The following ACOT7 variants were observed in gnomAD, a reference collection of about 807,000 sequenced individuals.
ACOT7 encodes the protein cytosolic acyl coenzyme A thioester hydrolase.
A neutral mutation model predicts 40.2 loss-of-function variants in ACOT7; 12 were observed. The observed-to-expected ratio is 0.30, with a 90% CI of 0.19 to 0.48. The LOEUF (loss-of-function observed/expected upper bound fraction) is 0.48. Ranked by LOEUF, ACOT7 falls within the 20% of genes least tolerant of loss-of-function variation. ACOT7 has a pLI of 0.99. For missense variants in ACOT7, 395 were observed against 530.8 expected (o/e 0.74, Z 2.51); for synonymous variants, 228 against 219.5 (o/e 1.04, Z -0.34).
At chr1:6,356,987 C>T (rs1641764016) in intron 1 of ACOT7, among the ~76,000 whole-genome samples, 1 of 151,750 alleles carries the variant, frequency 6.6e-6, no homozygotes, top group Admixed American at 6.6e-5. Flanking sequence ...GCCTGTAATC[C>T]CAGCACTTTA....
chr1:6,378,265 G>A (rs1642273597), intron 1 of ACOT7, among the ~76,000 whole-genome samples: 1 of 145,252 alleles, frequency 6.9e-6, no homozygotes, highest in South Asian at 2.2e-4. Context: ...CAGTGTCTAT[G>A]ATCAGCATGC....
At position 6,312,165 on chromosome 1, in the gene ACOT7, T is replaced by C. The variant is rs139096100; in HGVS notation, c.712+6327A>G. ...TGGTGGCCGGGGAAGGAGCCTGAGA[T>C]AGAGGGAAAGGCTCCAAAGCTAACC... On this transcript the variant is annotated intron_variant, in intron 6 of 8. Transcript: ENST00000361521. Among the ~76,000 whole-genome samples, 170 of 151,920 alleles carry C rather than the reference T, an allele frequency of 1.1e-3. 1 individual carries two copies. The highest frequency in any genetic ancestry group is 3.8e-3 in the African/African-American group (159 of 41,414).
chr1:6,281,346 A>G, intron 7 of ACOT7, 60 bp from the exon 8 acceptor site: 9 of 1,515,982 alleles, frequency 5.9e-6, no homozygotes, highest in Non-Finnish European at 8.2e-6. Context: ...GGCGGGGGAC[A>G]CTGGCGTTTC....
intron 2 of ACOT7, among the ~76,000 whole-genome samples, chr1:6,342,956 T>C (rs867207354): frequency 1.6e-4 from 25 of 152,230 alleles, no homozygotes; most frequent in African/African-American, 5.8e-4. Flanking sequence ...GTTTGAGCCA[T>C]GGGGAATGTG....
At chr1:6,272,312 T>C (rs552807673) in intron 8 of ACOT7, among the ~76,000 whole-genome samples, 1 of 152,188 alleles carries the variant, frequency 6.6e-6, no homozygotes, top group Admixed American at 6.5e-5. Context: ...ATAGGGATGG[T>C]CTTTATGTTA....
intron 4 of ACOT7, among the ~76,000 whole-genome samples, chr1:6,327,937 C>T (rs1330144853): frequency 6.6e-6 from 1 of 152,100 alleles, no homozygotes; most frequent in African/African-American, 2.4e-5. Context: ...CCATGCCCGG[C>T]TAATTTTTGT....
At chr1:6,264,985 A>C (rs1269964122) in intron 8 of ACOT7, among the ~76,000 whole-genome samples, 3 of 152,210 alleles carry the variant, frequency 2.0e-5, no homozygotes, top group Non-Finnish European at 4.4e-5. Context: ...TAGAGGAGAC[A>C]CTAAGGGCAT....
chr1:6,291,494 TG>T (rs974539269), intron 7 of ACOT7, among the ~76,000 whole-genome samples: 15 of 152,188 alleles, frequency 9.9e-5, no homozygotes, highest in African/African-American at 3.6e-4. Flanking sequence ...CCTCTAGAAC[TG>T]GGGGCGAACA....
chr1:6,340,111 G>C (rs367932741), intron 2 of ACOT7, among the ~76,000 whole-genome samples: 26 of 151,840 alleles, frequency 1.7e-4, no homozygotes, highest in African/African-American at 6.3e-4. Flanking sequence ...GACTACAGGC[G>C]CCCGCCACCA....
intron 1 of ACOT7, among the ~76,000 whole-genome samples, chr1:6,364,708 C>T (rs946093680): frequency 2.0e-5 from 3 of 150,888 alleles, no homozygotes; most frequent in African/African-American, 4.9e-5. Context: ...ATTAGTTGGG[C>T]GTGGTTGCGC....
intron 1 of ACOT7, among the ~76,000 whole-genome samples, chr1:6,375,733 A>G (rs571470016): frequency 2.8e-4 from 41 of 146,708 alleles, no homozygotes; most frequent in African/African-American, 9.8e-4. Context: ...TCAGGAGATC[A>G]AGACCATCCT....
intron 5 of ACOT7, among the ~76,000 whole-genome samples, chr1:6,320,236 A>C (rs1465012564): frequency 6.6e-6 from 1 of 152,226 alleles, no homozygotes; most frequent in African/African-American, 2.4e-5. Flanking sequence ...CGGGATCCGA[A>C]AAGGAGAGTT....
In ACOT7 at chr1:6,288,249, C is replaced by T. The variant is rs1462027875; in HGVS notation, c.829+6615G>A. Among the ~76,000 whole-genome samples, 2 of 152,236 alleles carry T rather than the reference C, an allele frequency of 1.3e-5. No homozygotes were observed. The highest frequency in any genetic ancestry group is 4.8e-5 in the African/African-American group (2 of 41,462). ...GTCGTGGCCCTCGCGTCCCCAGCAC[C>T]AACTCCGTTGCTGGCCTGGGAACTC... On this transcript the variant is annotated intron_variant, in intron 7 of 8. Transcript: ENST00000361521. This position sits in a 1 kb window ranked among gnomAD's most constrained non-coding sequence, Gnocchi z 4.3.
intron 1 of ACOT7, among the ~76,000 whole-genome samples, chr1:6,379,482 G>A (rs1310389736): frequency 6.6e-6 from 1 of 151,230 alleles, no homozygotes; most frequent in African/African-American, 2.4e-5. Flanking sequence ...TTTTGAGACA[G>A]GGTCTCACTC....
intron 1 of ACOT7, among the ~76,000 whole-genome samples, chr1:6,361,561 G>A (rs1032556169): frequency 1.3e-5 from 2 of 152,214 alleles, no homozygotes; most frequent in Non-Finnish European, 1.5e-5. Context: ...CCCCTTGGGA[G>A]GCCGAGGCAG....
In ACOT7 at chr1:6,339,626, C is replaced by A. The variant is rs764481432; in HGVS notation, c.262-37G>T. ...GAGGCAGTTGTCAGCCCAGGTCAGC[C>A]AGCCCAGCCCCGAGAGCCCCACCCA... On this transcript the variant is annotated intron_variant, in intron 2 of 8. Coordinates refer to ENST00000361521, the MANE Select transcript of ACOT7 (RefSeq NM_007274.4). The A allele has an allele frequency of 1.0e-5, 16 of 1,600,056 alleles. No homozygotes were observed. The South Asian group carries it at 1.7e-4, about 17-fold the overall frequency.
chr1:6,312,086 G>A (rs1226085561), intron 6 of ACOT7, among the ~76,000 whole-genome samples: 2 of 152,338 alleles, frequency 1.3e-5, no homozygotes, highest in East Asian at 1.9e-4. Context: ...AGGGCAGGAT[G>A]GAGAGGAAGG....
intron 8 of ACOT7, among the ~76,000 whole-genome samples, chr1:6,268,226 G>A (rs530053769): frequency 1.6e-3 from 251 of 152,246 alleles, no homozygotes; most frequent in Admixed American, 3.7e-3. Context: ...TGAACAGAAC[G>A]GCATGTAATT....
Position 6,294,355 on chromosome 1 carries a change from G to A in ACOT7, c.829+509C>T, listed in dbSNP as rs1316360059. Among the ~76,000 whole-genome samples the A allele has an allele frequency of 1.3e-5, 2 of 152,268 alleles. No homozygotes were observed. Among genetic ancestry groups the A allele is most frequent in the Non-Finnish European group, 2.9e-5 (2 of 68,052 alleles). On this transcript the variant is annotated intron_variant, in intron 7 of 8. Coordinates refer to ENST00000361521, the MANE Select transcript of ACOT7 (RefSeq NM_007274.4). This position sits in a 1 kb window ranked among gnomAD's most constrained non-coding sequence, Gnocchi z 4.6. ...GGACAGCTGACACCATTTCCAGGCA[G>A]GGGCCAGGTGGCTGGGGTTGGATTT...
Sources: allele counts gnomAD v4.1 joint callset (sites outside exome capture counted in the v4.1 genomes callset), GRCh38; gene constraint gnomAD v4.1.1; non-coding constraint Gnocchi (gnomAD v3.1); transcripts MANE v1.5; gene names NCBI Gene and HGNC (gene_info 2026-07-23, HGNC 2026-07-21).